The following PTTG1IP2 variants were observed in gnomAD, a reference collection of about 807,000 sequenced individuals.
PTTG1IP2 encodes the protein PTTG1IP family member 2.
At chr7:90,497,519 G>C (rs1486523055) in intron 6 of PTTG1IP2, among the ~76,000 whole-genome samples, 1 of 144,154 alleles carries the variant, frequency 6.9e-6, no homozygotes, top group Non-Finnish European at 1.5e-5. Context: ...AACCGAGATC[G>C]CGCCACTGCA....
intron 1 of PTTG1IP2, among the ~76,000 whole-genome samples, chr7:90,473,595 G>A (rs1431034031): frequency 3.9e-5 from 6 of 152,146 alleles, no homozygotes; most frequent in Non-Finnish European, 8.8e-5. Flanking sequence ...CAGAAATGGG[G>A]GATTTGACAT....
At chr7:90,499,444 A>G (rs1193802557) in intron 6 of PTTG1IP2, among the ~76,000 whole-genome samples, 5 of 152,256 alleles carry the variant, frequency 3.3e-5, no homozygotes, top group Middle Eastern at 6.8e-3. Flanking sequence ...TCAAGATGCT[A>G]TTGTAGGGGG....
At chr7:90,509,488 G>A (rs550014611) in intron 6 of PTTG1IP2, among the ~76,000 whole-genome samples, 1 of 151,866 alleles carries the variant, frequency 6.6e-6, no homozygotes, top group South Asian at 2.1e-4. Flanking sequence ...GAAAACAGGA[G>A]GAAGGGCAAG....
At chr7:90,506,004 A>G (rs1012598092) in intron 6 of PTTG1IP2, among the ~76,000 whole-genome samples, 6 of 120,614 alleles carry the variant, frequency 5.0e-5, no homozygotes, top group Admixed American at 8.7e-5. Flanking sequence ...AAAAAAAAAA[A>G]AAAAAAAAAA....
At chr7:90,507,155 G>A (rs1359615702) in intron 6 of PTTG1IP2, among the ~76,000 whole-genome samples, 1 of 152,184 alleles carries the variant, frequency 6.6e-6, no homozygotes, top group East Asian at 1.9e-4. Flanking sequence ...AATGTATAAA[G>A]ACAAAAGGTG....
chr7:90,509,117 T>C (rs1798156686), intron 6 of PTTG1IP2, among the ~76,000 whole-genome samples: 1 of 151,868 alleles, frequency 6.6e-6, no homozygotes. Flanking sequence ...TGAAGGCTTT[T>C]TTTTTTTTTT....
At chr7:90,474,133 G>T (rs1457589828) in intron 1 of PTTG1IP2, among the ~76,000 whole-genome samples, 1 of 152,132 alleles carries the variant, frequency 6.6e-6, no homozygotes, top group Non-Finnish European at 1.5e-5. Context: ...TTAGCCTATT[G>T]CTCCTAGGCT....
At chr7:90,497,713 TATAAAA>T (rs1217174410) in intron 6 of PTTG1IP2, among the ~76,000 whole-genome samples, 16 of 49,596 alleles carry the variant, frequency 3.2e-4, no homozygotes, top group East Asian at 1.5e-3. Context: ...AAAGACCCTG[TATAAAA>T]AAAAAAAAAA....
At chr7:90,470,792 C>G (rs1435290210) in intron 1 of PTTG1IP2, among the ~76,000 whole-genome samples, 1 of 152,032 alleles carries the variant, frequency 6.6e-6, no homozygotes, top group Non-Finnish European at 1.5e-5. Flanking sequence ...TCTATACATA[C>G]TCTAAGAGAA....
chr7:90,510,843 G>A (rs1163171664), intron 6 of PTTG1IP2, among the ~76,000 whole-genome samples: 2 of 152,124 alleles, frequency 1.3e-5, no homozygotes, highest in Non-Finnish European at 2.9e-5. Context: ...TGTTTTATGA[G>A]TACTCATTAT....
chr7:90,505,635 C>T (rs2116121809), intron 6 of PTTG1IP2, among the ~76,000 whole-genome samples: 1 of 152,222 alleles, frequency 6.6e-6, no homozygotes, highest in East Asian at 1.9e-4. Flanking sequence ...TTGTTAACCG[C>T]ACTGTAGATT....
intron 2 of PTTG1IP2, among the ~76,000 whole-genome samples, chr7:90,481,095 G>A (rs1338031212): frequency 2.0e-5 from 3 of 152,106 alleles, no homozygotes; most frequent in South Asian, 2.1e-4. Context: ...TTTTTGTCTA[G>A]CATTTGATGA....
chr7:90,480,122 G>A (rs928668787), intron 2 of PTTG1IP2, among the ~76,000 whole-genome samples: 44 of 152,214 alleles, frequency 2.9e-4, no homozygotes, highest in African/African-American at 1.0e-3. Context: ...GTCTAGATAC[G>A]TGACCTGCCT....
At chr7:90,507,379 A>G (rs895645436) in intron 6 of PTTG1IP2, among the ~76,000 whole-genome samples, 2 of 152,204 alleles carry the variant, frequency 1.3e-5, no homozygotes, top group African/African-American at 4.8e-5. Flanking sequence ...GTTAGGCTCA[A>G]AGTTGCATCT....
chr7:90,481,785 A>T (rs1465750199), intron 2 of PTTG1IP2, among the ~76,000 whole-genome samples: 1 of 152,088 alleles, frequency 6.6e-6, no homozygotes, highest in Non-Finnish European at 1.5e-5. Context: ...CTCCTTAAGG[A>T]CAGAGTCCAT....
chr7:90,507,646 C>G (rs1448072376), intron 6 of PTTG1IP2, among the ~76,000 whole-genome samples: 1 of 152,150 alleles, frequency 6.6e-6, no homozygotes, highest in Non-Finnish European at 1.5e-5. Flanking sequence ...GGATTCTCAT[C>G]TCTGCCCCAA....
chr7:90,477,498 A>G (rs1311744236), intron 1 of PTTG1IP2, among the ~76,000 whole-genome samples: 2 of 152,222 alleles, frequency 1.3e-5, no homozygotes, highest in African/African-American at 4.8e-5. Flanking sequence ...CTCTTTTTCC[A>G]TCTAATCAGG....
chr7:90,491,023 G>A (rs1797930776), intron 4 of PTTG1IP2, among the ~76,000 whole-genome samples: 5 of 152,090 alleles, frequency 3.3e-5, no homozygotes, highest in Admixed American at 1.3e-4. Flanking sequence ...AGGACTTACT[G>A]TACTTCATAA....
chr7:90,506,681 G>A (rs1798128027), intron 6 of PTTG1IP2, among the ~76,000 whole-genome samples: 1 of 152,100 alleles, frequency 6.6e-6, no homozygotes, highest in Non-Finnish European at 1.5e-5. Flanking sequence ...GCAGGAGGAT[G>A]GCTTGAGCTG....
Sources: gnomAD v4.1 joint callset for allele counts (sites outside exome capture counted in the v4.1 genomes callset) on GRCh38, gnomAD v4.1.1 for gene constraint, MANE v1.5 for transcripts, NCBI Gene and HGNC (gene_info 2026-07-23, HGNC 2026-07-21) for gene names.